The following TRPM7 variants were observed in gnomAD, a reference collection of about 807,000 sequenced individuals.
The protein encoded by TRPM7 is LTRPC ion channel family member 7.
TRPM7 carries 134 observed loss-of-function variants against 229.7 expected under a neutral mutation model. The observed-to-expected ratio is 0.58, with a 90% CI of 0.51 to 0.67. TRPM7 has a LOEUF of 0.67. Ranked by LOEUF, TRPM7 falls within the 30% of genes least tolerant of loss-of-function variation. The pLI is 0.00. For missense variants in TRPM7, 1,901 were observed against 2,210.0 expected (o/e 0.86, Z 2.80); for synonymous variants, 699 against 715.2 (o/e 0.98, Z 0.36).
chr15:50,579,233 G>A (rs2054283245), intron 30 of TRPM7, among the ~76,000 whole-genome samples: 1 of 152,126 alleles, frequency 6.6e-6, no homozygotes, highest in Non-Finnish European at 1.5e-5. Context: ...CAGGTAGAGT[G>A]GAAAAGAGAA....
intron 22 of TRPM7, 118 bp from the exon 23 acceptor site, chr15:50,596,499 C>A (rs1303284673): frequency 2.4e-6 from 2 of 844,426 alleles, no homozygotes; most frequent in Admixed American, 3.9e-5. Flanking sequence ...CGATTATGTA[C>A]AAATCTGTTT....
intron 38 of TRPM7, among the ~76,000 whole-genome samples, chr15:50,562,298 T>C (rs969642237): frequency 6.6e-6 from 1 of 152,198 alleles, no homozygotes; most frequent in Admixed American, 6.5e-5. Flanking sequence ...CACATAAAAA[T>C]GAAGTCATTC....
At chr15:50,562,097 T>C (rs1309349769) in intron 38 of TRPM7, among the ~76,000 whole-genome samples, 2 of 152,032 alleles carry the variant, frequency 1.3e-5, no homozygotes, top group Admixed American at 6.6e-5. Context: ...GGTTTCACCA[T>C]GTTGGTCAGG....
chr15:50,604,729 C>A, intron 21 of TRPM7, 137 bp downstream of exon 21: 1 of 809,284 alleles, frequency 1.2e-6, no homozygotes, highest in South Asian at 2.0e-5. Flanking sequence ...TAAGGAATGG[C>A]AGATGTGAAG....
intron 1 of TRPM7, among the ~76,000 whole-genome samples, chr15:50,669,785 A>G (rs2061951224): frequency 6.6e-6 from 1 of 151,072 alleles, no homozygotes; most frequent in East Asian, 1.9e-4. Flanking sequence ...AAGTCCAGGA[A>G]AAAAAAAAGG....
rs777944126 is a variant in TRPM7 at position 50,624,302 on chromosome 15, T to C, written c.1306-2A>G. On this transcript the variant is annotated splice_acceptor_variant, in intron 11 of 38. Transcript: ENST00000646667. LOFTEE classifies it high-confidence loss of function. ...CATAGCTTGTTCCAAGGATCCAACC[T>C]AGGAGTATCAAATTTAATAAATACA... is the stretch of plus-strand genomic sequence containing the variant. 1 of 1,577,260 alleles carries C rather than the reference T, an allele frequency of 6.3e-7. No individual in the cohort carries two copies. Among genetic ancestry groups the C allele is most frequent in the Non-Finnish European group, 8.6e-7 (1 of 1,167,120 alleles).
At position 50,604,995 on chromosome 15, in the gene TRPM7, A is replaced by G. The variant is rs1176042217; in HGVS notation, c.2859T>C (p.Tyr953=). ...FGAKWNFANA[Y]DNHVFVAGRL... ...TTCCAGCCACAAAAACATGATTATC[A>G]TATGCATTTGCAAAGTTCCATTTTG... Residue 953 remains tyrosine, a synonymous_variant, in exon 21 of 39, where the codon TAT becomes TAC. Coordinates refer to ENST00000646667, the MANE Select transcript of TRPM7 (RefSeq NM_017672.6). The G allele has an allele frequency of 6.2e-7, 1 of 1,613,870 alleles. No homozygotes were observed. The highest frequency in any genetic ancestry group is 1.3e-5 in the African/African-American group (1 of 74,934).
chr15:50,674,241 G>A (rs545130900), intron 1 of TRPM7, among the ~76,000 whole-genome samples: 8 of 152,100 alleles, frequency 5.3e-5, no homozygotes, highest in East Asian at 1.9e-4. Context: ...CATCTGCCTC[G>A]GCCTCCCAAA....
At chr15:50,587,210 C>G (rs2059366235) in intron 27 of TRPM7, among the ~76,000 whole-genome samples, 1 of 151,996 alleles carries the variant, frequency 6.6e-6, no homozygotes, top group South Asian at 2.1e-4. Context: ...TGGTAACTTT[C>G]TTATTGCTTT....
In TRPM7 at chr15:50,592,381, C is replaced by G. The variant is rs1310680427; in HGVS notation, c.3854G>C (p.Arg1285Thr). The change falls in exon 26 of 39, where the codon AGA becomes ACA. Residue 1285 changes from arginine to threonine, a missense_variant. Arg to Thr is a moderately conservative substitution (Grantham distance 71). Transcript: ENST00000646667. ...ACCATGCTTTTTCCATACAGAAGGT[C>G]TTACAGGACCATCATCAATAAGGTT... ...AQNLIDDGPV[R>T]PSVWKKHGVV... 6.2e-7 allele frequency: 1 copy of G among 1,614,144 alleles called. No individual in the cohort carries two copies. The highest frequency in any genetic ancestry group is 1.7e-5 in the Admixed American group (1 of 60,020).
intron 38 of TRPM7, among the ~76,000 whole-genome samples, chr15:50,566,854 T>C (rs979258099): frequency 6.6e-6 from 1 of 151,740 alleles, no homozygotes; most frequent in Non-Finnish European, 1.5e-5. Context: ...AGTAAAACAA[T>C]GACAACGAAA....
chr15:50,562,808 G>A (rs912377842), intron 38 of TRPM7, among the ~76,000 whole-genome samples: 3 of 151,792 alleles, frequency 2.0e-5, no homozygotes, highest in South Asian at 2.1e-4. Context: ...AGAGAAGAGT[G>A]TAGTGAATTA....
chr15:50,567,836 C>G (rs138298464), intron 38 of TRPM7, among the ~76,000 whole-genome samples: 2,185 of 152,130 alleles, frequency 0.014, 69 homozygotes, highest in African/African-American at 0.05. Flanking sequence ...TGCCTGTAAT[C>G]CCAGCACTTT....
intron 8 of TRPM7, 94 bp downstream of exon 8, chr15:50,634,288 G>T: frequency 2.0e-6 from 2 of 1,006,814 alleles, no homozygotes; most frequent in Non-Finnish European, 2.7e-6. Context: ...ACCACTGCAC[G>T]CTATCCAGGC....
chr15:50,604,762 T>G lies in TRPM7; in HGVS notation c.2988+104A>C, dbSNP rs190317445. The G allele has an allele frequency of 1.6e-3, 1,839 of 1,181,440 alleles. 3 individuals are homozygous for G. The highest frequency in any genetic ancestry group is 2.0e-3 in the Non-Finnish European group (1,700 of 856,694). 73.2% of individuals were successfully genotyped at this position (1,181,440 alleles called of 1,614,324 possible). ...AAGTATGAGGCAAACAAACACAAAA[T>G]AAAAGACATTCACTGGCTCAAATAA... On this transcript the variant is annotated intron_variant, in intron 21 of 38. Transcript: ENST00000646667.
chr15:50,668,599 C>G (rs987487531), intron 1 of TRPM7, among the ~76,000 whole-genome samples: 1 of 152,138 alleles, frequency 6.6e-6, no homozygotes, highest in Admixed American at 6.6e-5. Context: ...ACTCTGCCTC[C>G]GGGGTCCAAG....
At chr15:50,626,758 ACT>A (rs1403423168) in intron 11 of TRPM7, among the ~76,000 whole-genome samples, 1 of 151,852 alleles carries the variant, frequency 6.6e-6, no homozygotes, top group Non-Finnish European at 1.5e-5. Context: ...GACTAAATAA[ACT>A]CTTTTTTATT....
rs1393706820 is a variant in TRPM7, at chr15:50,567,516, A to G, written c.5467+2371T>C. ...AAAGAAAACAAACATAGTGCCCCATAAAACAAACCTACCACAGACCAATAT... is the reference window on the plus strand; with the variant it reads ...AAAGAAAACAAACATAGTGCCCCATGAAACAAACCTACCACAGACCAATAT... On this transcript the variant is annotated intron_variant, in intron 38 of 38. Coordinates refer to ENST00000646667, the MANE Select transcript of TRPM7 (RefSeq NM_017672.6). Among the ~76,000 whole-genome samples the G allele has an allele frequency of 3.9e-5, 6 of 152,176 alleles. No individual in the cohort carries two copies. In the East Asian group the frequency reaches 1.2e-3, roughly 29 times the overall value.
intron 1 of TRPM7, among the ~76,000 whole-genome samples, chr15:50,678,246 A>AAAAAACAAAAACAAAAAC (rs1259251319): frequency 7.0e-6 from 1 of 142,504 alleles, no homozygotes; most frequent in African/African-American, 2.6e-5. Flanking sequence ...TCTCAAAAAA[A>AAAAAACAAAAACAAAAAC]AAAAACAAAA....
Sources: allele counts gnomAD v4.1 joint callset (sites outside exome capture counted in the v4.1 genomes callset), GRCh38; gene constraint gnomAD v4.1.1; transcripts MANE v1.5; gene names NCBI Gene and HGNC (gene_info 2026-07-23, HGNC 2026-07-21).